TRAK1: variants seen among roughly 807,000 people sequenced by gnomAD.
TRAK1 encodes trafficking kinesin protein 1, also known as trafficking kinesin-binding protein 1.
TRAK1 carries 33 observed loss-of-function variants against 92.1 expected under a neutral mutation model. The ratio of observed to expected loss-of-function variants is 0.36; its 90% confidence interval spans 0.27 to 0.48. The LOEUF (loss-of-function observed/expected upper bound fraction) is 0.48. Among genes scored for constraint, TRAK1 ranks in the 20% least tolerant of loss-of-function variants. The probability of loss-of-function intolerance (pLI) is 0.99; values close to 1 mark genes in which losing one functional copy is unlikely to be tolerated. For missense variants in TRAK1, 1,123 were observed against 1,257.9 expected (o/e 0.89, Z 1.62); for synonymous variants, 521 against 517.3 (o/e 1.01, Z -0.10).
intron 1 of TRAK1, among the ~76,000 whole-genome samples, chr3:42,023,744 GTTTTTTTTT>G (rs780080581): frequency 1.0e-5 from 1 of 99,054 alleles, no homozygotes; most frequent in Admixed American, 1.1e-4. Context: ...GCTCGTGAGG[GTTTTTTTTT>G]TTTTTTTTTT....
chr3:42,078,365 A>G (rs1239793774), intron 1 of TRAK1, among the ~76,000 whole-genome samples: 2 of 152,152 alleles, frequency 1.3e-5, no homozygotes, highest in Non-Finnish European at 2.9e-5. Context: ...TAATCCCTTG[A>G]CCTTAAGATA....
intron 11 of TRAK1, among the ~76,000 whole-genome samples, chr3:42,200,534 G>A (rs1707375606): frequency 6.6e-6 from 1 of 152,188 alleles, no homozygotes; most frequent in Non-Finnish European, 1.5e-5. Context: ...TGTGGGTTAA[G>A]CTTTAGGGAT....
At chr3:42,217,813 AGAATCGT>A (rs1436442645) in intron 14 of TRAK1, 1 of 985,234 alleles carries the variant, frequency 1.0e-6, no homozygotes, top group Non-Finnish European at 1.2e-6. Flanking sequence ...TTGCGGGAAG[AGAATCGT>A]GATTGTTTGG....
intron 1 of TRAK1, among the ~76,000 whole-genome samples, chr3:42,114,117 CATA>C (rs1484623462): frequency 8.5e-5 from 13 of 152,158 alleles, no homozygotes; most frequent in African/African-American, 2.9e-4. Flanking sequence ...TTTCACTTAG[CATA>C]ATATTTTCAA....
chr3:42,138,724 TAAAA>T (rs56107300), intron 2 of TRAK1, among the ~76,000 whole-genome samples: 4 of 133,298 alleles, frequency 3.0e-5, no homozygotes, highest in African/African-American at 1.1e-4. Flanking sequence ...CCATATCTAT[TAAAA>T]AAAAAAAAAA....
At chr3:42,176,991 T>A in intron 3 of TRAK1, 101 bp downstream of exon 3, 1 of 1,106,682 alleles carries the variant, frequency 9.0e-7, no homozygotes. Flanking sequence ...TGAGGAATCT[T>A]GGAAATTGGT....
intron 15 of TRAK1, among the ~76,000 whole-genome samples, 197 bp downstream of exon 15, chr3:42,219,793 T>G (rs1462563535): frequency 7.3e-4 from 99 of 135,676 alleles, no homozygotes; most frequent in African/African-American, 2.7e-3. Flanking sequence ...TGTGTTTTTT[T>G]TTTTTTTTTT....
chr3:42,157,194 C>A lies in TRAK1; in HGVS notation c.287-19620C>A, dbSNP rs899847665. On this transcript the variant is annotated intron_variant, in intron 2 of 15. Coordinates refer to ENST00000327628, the MANE Select transcript of TRAK1 (RefSeq NM_001042646.3). ...ACTGATGGGACCAGGCATGGTGGCTCACACCTGTAATCCCAGCACTTTGGG... is the reference window on the plus strand; with the variant it reads ...ACTGATGGGACCAGGCATGGTGGCTAACACCTGTAATCCCAGCACTTTGGG... 8.6e-5 allele frequency among the ~76,000 whole-genome samples: 13 copies of A among 150,634 alleles called. No individual in the cohort carries two copies. The East Asian group carries it at 1.8e-3, about 20-fold the overall frequency.
intron 4 of TRAK1, among the ~76,000 whole-genome samples, chr3:42,186,005 T>A (rs1199004277): frequency 1.8e-5 from 2 of 109,326 alleles, no homozygotes; most frequent in Non-Finnish European, 3.5e-5. Context: ...TTTTTTGAGA[T>A]AAGGTCTCAC....
chr3:42,043,264 C>G (rs919718212), intron 1 of TRAK1, among the ~76,000 whole-genome samples: 2 of 151,930 alleles, frequency 1.3e-5, no homozygotes, highest in African/African-American at 4.8e-5. Context: ...ATTGCCCGTT[C>G]CCGTTCTTTC....
At chr3:42,181,349 G>T (rs1041628792) in intron 3 of TRAK1, among the ~76,000 whole-genome samples, 1 of 152,172 alleles carries the variant, frequency 6.6e-6, no homozygotes, top group Admixed American at 6.5e-5. Flanking sequence ...TCCGATACTA[G>T]CCTGGCCTAC....
At position 42,223,076 on chromosome 3, in the gene TRAK1, T is replaced by C; in HGVS notation, c.2201T>C (p.Met734Thr). ...AACACCCGTGAGTCCACGACCACCA[T>C]GAGCACATCCCTGGGGCTCGTGTGG... Reference protein sequence around the residue: ...FTNTRESTTTMSTSLGLVWLL... With the variant: ...FTNTRESTTTTSTSLGLVWLL... Residue 734 changes from methionine to threonine, a missense_variant, in exon 16 of 16, where the codon ATG becomes ACG. Physicochemically the swap from Met to Thr is moderately conservative, Grantham distance 81. Coordinates refer to ENST00000327628, the MANE Select transcript of TRAK1 (RefSeq NM_001042646.3). The surrounding 1 kb of genome is among the most constrained non-coding windows in gnomAD (Gnocchi z 6.1). 1 of 1,614,096 alleles carries C rather than the reference T, an allele frequency of 6.2e-7. No individual in the cohort carries two copies. Among genetic ancestry groups the C allele is most frequent in the Non-Finnish European group, 8.5e-7 (1 of 1,180,018 alleles).
chr3:42,088,423 C>G (rs1413810459), upstream of TRAK1, among the ~76,000 whole-genome samples: 1 of 152,170 alleles, frequency 6.6e-6, no homozygotes, highest in East Asian at 1.9e-4. Flanking sequence ...ACTTGCCTGC[C>G]CCCTGAAGGA....
intron 1 of TRAK1, among the ~76,000 whole-genome samples, chr3:42,104,223 G>A (rs1338498579): frequency 1.3e-5 from 2 of 152,204 alleles, no homozygotes; most frequent in African/African-American, 4.8e-5. Context: ...GCCTGCCTCT[G>A]TAGGGAGGCA....
intron 14 of TRAK1, chr3:42,210,905 G>T (rs761744451): frequency 3.0e-6 from 3 of 985,306 alleles, no homozygotes; most frequent in Non-Finnish European, 3.6e-6. Context: ...CCACATTCCA[G>T]TTGCCACTGG....
intron 1 of TRAK1, among the ~76,000 whole-genome samples, chr3:42,115,869 C>T (rs1388553195): frequency 6.6e-6 from 1 of 152,164 alleles, no homozygotes; most frequent in Admixed American, 6.5e-5. Flanking sequence ...GTCTTGCTTC[C>T]ATTTCTGCCA....
intron 3 of TRAK1, among the ~76,000 whole-genome samples, chr3:42,179,437 G>A (rs1033435235): frequency 6.6e-6 from 1 of 152,244 alleles, no homozygotes; most frequent in Non-Finnish European, 1.5e-5. Context: ...TTCGCTTCTG[G>A]TTTTAAGGGG....
At chr3:42,154,709 G>T (rs1576660460) in intron 2 of TRAK1, among the ~76,000 whole-genome samples, 1 of 152,322 alleles carries the variant, frequency 6.6e-6, no homozygotes, top group South Asian at 2.1e-4. Context: ...GGGATTACAG[G>T]TGTGAGCCTC....
intron 11 of TRAK1, among the ~76,000 whole-genome samples, chr3:42,200,523 T>A (rs969307937): frequency 4.6e-5 from 7 of 152,190 alleles, no homozygotes; most frequent in African/African-American, 1.7e-4. Flanking sequence ...GTATTTTTAT[T>A]TGTGGGTTAA....
Sources: gnomAD v4.1 joint callset for allele counts (sites outside exome capture counted in the v4.1 genomes callset) on GRCh38, gnomAD v4.1.1 for gene constraint, Gnocchi (gnomAD v3.1) non-coding constraint, MANE v1.5 for transcripts, NCBI Gene and HGNC (gene_info 2026-07-23, HGNC 2026-07-21) for gene names.